ZAN: variants seen among roughly 807,000 people sequenced by gnomAD.
ZAN encodes the protein zonadhesin (gene/pseudogene).
Under a neutral mutation model 286.2 loss-of-function variants are expected in ZAN, and 260 were observed. The ratio of observed to expected loss-of-function variants is 0.91; its 90% CI spans 0.82 to 1.01. The LOEUF is 1.01. Ranked by LOEUF, ZAN falls within the 50% of genes least tolerant of loss-of-function variation. The pLI is 0.00. For missense variants in ZAN, 3,410 were observed against 3,639.2 expected (o/e 0.94, Z 1.62); for synonymous variants, 1,368 against 1,417.5 (o/e 0.97, Z 0.79).
chr7:100,779,569 T>C lies in ZAN; in HGVS notation c.6441T>C (p.Ala2147=), dbSNP rs756963701. 6.2e-7 allele frequency: 1 copy of C among 1,610,716 alleles called. No homozygotes were observed. The highest frequency in any genetic ancestry group is 8.5e-7 in the Non-Finnish European group (1 of 1,178,646). ...AAAAGTGCGAGGCAGCGCTCCGGGC[T>C]CCTGTGTGGGCCCAGTGCGCCTCCC... ...AREKCEAALR[A]PVWAQCASRI... is the part of the protein sequence containing the mutation. Residue 2147 remains alanine, a synonymous_variant, in exon 35 of 48, where the codon GCT becomes GCC. Transcript: ENST00000613979.
chr7:100,792,982 CAA>C (rs1232116032), intron 42 of ZAN, among the ~76,000 whole-genome samples: 19 of 50,868 alleles, frequency 3.7e-4, no homozygotes, highest in Non-Finnish European at 5.5e-4. Flanking sequence ...CATCCTATCT[CAA>C]AAAAAAAAAA....
chr7:100,752,057 C>T lies in ZAN; in HGVS notation c.1952C>T (p.Thr651Ile). Reference protein sequence around the residue: ...TIPSEKPTISTEKPTVPTEEP... With the variant: ...TIPSEKPTISIEKPTVPTEEP... ...CCCTCAGAAAAACCCACCATTTCCA[C>T]AGAAAAACCCACCGTCCCCACAGAA... Residue 651 changes from threonine to isoleucine, a missense_variant, in exon 14 of 48, where the codon ACA becomes ATA. This residue lies in a region of ZAN where 872 missense variants were observed against 938.9 expected (regional missense o/e 0.93). Transcript: ENST00000613979. The T allele has an allele frequency of 1.9e-6, 3 of 1,612,962 alleles. No individual in the cohort carries two copies. The highest frequency in any genetic ancestry group is 2.5e-6 in the Non-Finnish European group (3 of 1,179,720).
chr7:100,791,907 C>T (rs1189355578), intron 40 of ZAN, 59 bp from the exon 41 acceptor site: 3 of 1,532,386 alleles, frequency 2.0e-6, no homozygotes, highest in Middle Eastern at 1.9e-4. Context: ...AGTTCTTCTT[C>T]TTCCCCCACT....
In ZAN at chr7:100,739,474, G is replaced by A. The variant is rs752996073; in HGVS notation, c.766+861G>A. 5.8e-5 allele frequency among the ~76,000 whole-genome samples: 8 copies of A among 137,160 alleles called. 1 individual carries two copies. Among genetic ancestry groups the A allele is most frequent in the Admixed American group, 2.9e-4 (4 of 13,988 alleles). 90.0% of individuals were successfully genotyped at this position (137,160 alleles called of 152,430 possible). A position where few individuals can be genotyped will look rare whatever the true frequency, so the allele number is the denominator to read the frequency against. On this transcript the variant is annotated intron_variant, in intron 7 of 47. Transcript: ENST00000613979. ...AAGTAAATATAGTTATAAAGTGAGCGATGCTACTGGGAAAATAAAAAGTCA... is the reference window on the plus strand; with the variant it reads ...AAGTAAATATAGTTATAAAGTGAGCAATGCTACTGGGAAAATAAAAAGTCA...
intron 20 of ZAN, 28 bp downstream of exon 20, chr7:100,762,386 C>A: frequency 6.3e-7 from 1 of 1,578,888 alleles, no homozygotes; most frequent in Non-Finnish European, 8.6e-7. Flanking sequence ...CCACCGGGGC[C>A]CTGGGAAGGT....
chr7:100,736,478 C>T lies in ZAN; in HGVS notation c.107-5C>T, dbSNP rs752159247. 2 of 1,523,700 alleles carry T rather than the reference C, an allele frequency of 1.3e-6. No homozygotes were observed. Among genetic ancestry groups the T allele is most frequent in the Non-Finnish European group, 1.8e-6 (2 of 1,107,970 alleles). The allele number at this position is 1,523,700 out of a possible 1,614,324, so 94.4% of individuals were successfully genotyped here. A position where few individuals can be genotyped will look rare whatever the true frequency, so the allele number is the denominator to read the frequency against. On this transcript the variant is annotated splice_region_variant and splice_polypyrimidine_tract_variant and intron_variant, in intron 3 of 47. Coordinates refer to ENST00000613979, the MANE Select transcript of ZAN (RefSeq NM_003386.3). ...TGAAACCTCACTGTGACCCATTCTT[C>T]CTAGATGTCCTCACCCAGTGTGATT...
chr7:100,753,579 T>C (rs1018350390), intron 14 of ZAN, among the ~76,000 whole-genome samples: 1 of 151,776 alleles, frequency 6.6e-6, no homozygotes, highest in African/African-American at 2.4e-5. Context: ...TCCCAGCACT[T>C]TGGGGGGCCA....
At chr7:100,745,763 C>G (rs940507233) in intron 7 of ZAN, among the ~76,000 whole-genome samples, 2 of 151,490 alleles carry the variant, frequency 1.3e-5, no homozygotes, top group African/African-American at 4.9e-5. Flanking sequence ...CAGGTCCGCA[C>G]CTGGAGTCCC....
chr7:100,745,050 A>G (rs1808091120), intron 7 of ZAN, among the ~76,000 whole-genome samples: 1 of 151,186 alleles, frequency 6.6e-6, no homozygotes, highest in African/African-American at 2.4e-5. Flanking sequence ...CGCCCGGCTA[A>G]TTTTTGTACT....
At chr7:100,755,174 T>C (rs1809051513) in intron 14 of ZAN, 52 bp from the exon 15 acceptor site, 3 of 1,556,332 alleles carry the variant, frequency 1.9e-6, no homozygotes, top group East Asian at 4.6e-5. Flanking sequence ...ACAGGGAGAC[T>C]CCCTGAGAAA....
chr7:100,775,344 G>A lies in ZAN; in HGVS notation c.5796G>A (p.Gln1932=). 6.2e-7 allele frequency: 1 copy of A among 1,613,176 alleles called. No individual in the cohort carries two copies. Among genetic ancestry groups the A allele is most frequent in the Non-Finnish European group, 8.5e-7 (1 of 1,179,596 alleles). The change falls in exon 32 of 48, where the codon CAG becomes CAA. Residue 1932 remains glutamine (Q), a synonymous_variant. Coordinates refer to ENST00000613979, the MANE Select transcript of ZAN (RefSeq NM_003386.3). The stretch of plus-strand genomic sequence containing the variant: ...TCCTCCCAGGTGTGGGAGTGTGTCA[G>A]CTCCCAGGGGAGTCCCACTACGTGA... The part of the protein sequence containing the change: ...HCRASGVGVC[Q]LPGESHYVSF...
rs1473828817 is a variant in ZAN at position 100,773,342 on chromosome 7, C to G, written c.5483C>G (p.Thr1828Ser). 5 of 1,614,006 alleles carry G rather than the reference C, an allele frequency of 3.1e-6. No homozygotes were observed. In the Admixed American group the frequency reaches 5.0e-5, roughly 16 times the overall value. The stretch of plus-strand genomic sequence containing the variant: ...CCCTGCAGCAGCCCCTGCCCAGACA[C>G]CTGCAGCAGCATAAACAACCCGAGG... Reference protein sequence around the residue: ...YSPCSSPCPDTCSSINNPRDC... With the variant: ...YSPCSSPCPDSCSSINNPRDC... Residue 1828 changes from threonine (T) to serine (S), a missense_variant, in exon 30 of 48, where the codon ACC becomes AGC. By Grantham distance (58) the Thr-to-Ser change is moderately conservative (BLOSUM62 1). Around this residue, in one of 7 missense-constraint regions of ZAN, gnomAD observed 1,289 missense variants for 1,314.3 expected, o/e 0.98. Coordinates refer to ENST00000613979, the MANE Select transcript of ZAN (RefSeq NM_003386.3).
chr7:100,781,540 C>T (rs566068671), intron 35 of ZAN, among the ~76,000 whole-genome samples: 1 of 151,602 alleles, frequency 6.6e-6, no homozygotes, highest in African/African-American at 2.4e-5. Flanking sequence ...GGGGCCGCTG[C>T]TCAGCTGCCC....
At position 100,751,985 on chromosome 7, in the gene ZAN, C is replaced by T. The variant is rs369052323; in HGVS notation, c.1880C>T (p.Thr627Ile). The change falls in exon 14 of 48, where the codon ACC becomes ATC. Residue 627 changes from threonine (T) to isoleucine (I), a missense_variant. Around this residue, in one of 7 missense-constraint regions of ZAN, gnomAD observed 872 missense variants for 938.9 expected, o/e 0.93. Transcript: ENST00000613979. The stretch of plus-strand genomic sequence containing the variant: ...CCCACCATTCCCTCAGAAAAACCCA[C>T]CATCCTCACAGAAAAACCCACCATT... ...EKPTIPSEKPTILTEKPTIPS... is the reference protein window; with the variant it reads ...EKPTIPSEKPIILTEKPTIPS... 1.2e-6 allele frequency: 2 copies of T among 1,612,938 alleles called. No homozygotes were observed. Among genetic ancestry groups the T allele is most frequent in the South Asian group, 1.1e-5 (1 of 90,988 alleles).
Position 100,784,710 on chromosome 7 carries a change from G to A in ZAN, c.6710G>A (p.Gly2237Asp). Reference sequence around the variant, plus strand: ...TGGGACCTGGATGGCCGGTGTGAGGGCGCCAAAGTCCCCTCTGCCTGCGCT... The same window carrying A: ...TGGGACCTGGATGGCCGGTGTGAGGACGCCAAAGTCCCCTCTGCCTGCGCT... ...SCWDLDGRCEGAKVPSACAEG... is the reference protein window; with the variant it reads ...SCWDLDGRCEDAKVPSACAEG... The change falls in exon 36 of 48, where the codon GGC becomes GAC. Residue 2237 changes from glycine to aspartate, a missense_variant. By Grantham distance (94) the Gly-to-Asp change is moderately conservative. Transcript: ENST00000613979. The A allele has an allele frequency of 6.2e-7, 1 of 1,613,900 alleles. No individual in the cohort carries two copies. Among genetic ancestry groups the A allele is most frequent in the Non-Finnish European group, 8.5e-7 (1 of 1,179,874 alleles).
At chr7:100,758,426 C>T (rs1809309130) in intron 16 of ZAN, 83 bp downstream of exon 16, 1 of 1,586,746 alleles carries the variant, frequency 6.3e-7, no homozygotes, top group Non-Finnish European at 8.6e-7. Flanking sequence ...CTCGCTTGAG[C>T]AGAGGATTGG....
In ZAN at chr7:100,763,890, G is replaced by T. The variant is rs779831858; in HGVS notation, c.4071G>T (p.Arg1357=). The change falls in exon 21 of 48, where the codon CGG becomes CGT. Residue 1357 remains arginine, a synonymous_variant. Transcript: ENST00000613979. This position sits in a 1 kb window ranked among gnomAD's most constrained non-coding sequence, Gnocchi z 4.6. ...SSMSGPGFCG[R]LVDTHGPFET... Reference sequence around the variant, plus strand: ...TGTCGGGGCCAGGGTTCTGTGGACGGCTGGTCGACACTCATGGCCCATTTG... The same window carrying T: ...TGTCGGGGCCAGGGTTCTGTGGACGTCTGGTCGACACTCATGGCCCATTTG... The T allele has an allele frequency of 1.2e-6, 2 of 1,613,894 alleles. No homozygotes were observed. The highest frequency in any genetic ancestry group is 1.7e-5 in the Admixed American group (1 of 60,000).
rs989023766 is a variant in ZAN at position 100,767,330 on chromosome 7, C to T, written c.4860+73C>T. ...TGCTTCTCTCCTGTGCCCCTCCTTG[C>T]CCGGATGCCCACCTCTCTGGCTCCT... On this transcript the variant is annotated intron_variant, in intron 25 of 47. Transcript: ENST00000613979. 9.1e-6 allele frequency: 14 copies of T among 1,543,404 alleles called. No homozygotes were observed. In the East Asian group the frequency reaches 3.2e-4, roughly 35 times the overall value.
intron 42 of ZAN, 81 bp downstream of exon 42, chr7:100,792,560 T>G: frequency 6.3e-7 from 1 of 1,590,858 alleles, no homozygotes; most frequent in Admixed American, 1.7e-5. Flanking sequence ...GTGTTGCCCC[T>G]CCCTGTGCCG....
Sources: allele counts gnomAD v4.1 joint callset (sites outside exome capture counted in the v4.1 genomes callset), GRCh38; gene constraint gnomAD v4.1.1; regional missense constraint gnomAD v4.1.1; non-coding constraint Gnocchi (gnomAD v3.1); transcripts MANE v1.5; gene names NCBI Gene and HGNC (gene_info 2026-07-23, HGNC 2026-07-21).